The following KSR2 variants were observed in gnomAD, a reference collection of about 807,000 sequenced individuals.
KSR2 encodes the protein kinase suppressor of ras 2.
KSR2 carries 25 observed loss-of-function variants against 107.8 expected under a neutral mutation model. The ratio of observed to expected loss-of-function variants is 0.23; its 90% CI spans 0.17 to 0.32. The LOEUF (loss-of-function observed/expected upper bound fraction) is 0.32, where lower values mean the gene tolerates loss of function less well. Among genes scored for constraint, KSR2 ranks in the 10% least tolerant of loss-of-function variants. The pLI is 1.00. For synonymous variants in KSR2, 480 were observed against 507.0 expected (o/e 0.95, Z 0.71); for missense variants, 887 against 1,268.9 (o/e 0.70, Z 4.57).
intron 5 of KSR2, among the ~76,000 whole-genome samples, chr12:117,663,850 C>T (rs915139090): frequency 2.0e-5 from 3 of 152,176 alleles, no homozygotes; most frequent in Non-Finnish European, 4.4e-5. Flanking sequence ...AGCCCACGAG[C>T]TTGCAGGTTG....
intron 4 of KSR2, among the ~76,000 whole-genome samples, chr12:117,733,047 G>T (rs531064120): frequency 6.6e-6 from 1 of 152,180 alleles, no homozygotes; most frequent in Non-Finnish European, 1.5e-5. Context: ...ATACCTGCAA[G>T]AATTAATTAA....
intron 1 of KSR2, among the ~76,000 whole-genome samples, chr12:117,961,580 T>C (rs1471810549): frequency 6.6e-6 from 1 of 151,724 alleles, no homozygotes; most frequent in Non-Finnish European, 1.5e-5. Flanking sequence ...CTAGGAACAC[T>C]GGAGACCTGT....
chr12:117,537,429 A>C (rs927285917), intron 10 of KSR2, among the ~76,000 whole-genome samples: 4 of 152,232 alleles, frequency 2.6e-5, no homozygotes, highest in African/African-American at 4.8e-5. Flanking sequence ...ATAATAATCC[A>C]AGGAGCCCAG....
chr12:117,659,532 G>T (rs557343532), intron 5 of KSR2, among the ~76,000 whole-genome samples: 4 of 152,280 alleles, frequency 2.6e-5, no homozygotes, highest in Admixed American at 6.5e-5. Context: ...CCACCACCTT[G>T]TTGCTAAGCA....
At chr12:117,528,672 C>G (rs548746524) in intron 12 of KSR2, among the ~76,000 whole-genome samples, 3 of 152,204 alleles carry the variant, frequency 2.0e-5, no homozygotes, top group East Asian at 3.9e-4. Flanking sequence ...TGAACCTGCA[C>G]GATGACAGCT....
chr12:117,807,732 C>T (rs1891059010), intron 3 of KSR2, among the ~76,000 whole-genome samples: 1 of 152,234 alleles, frequency 6.6e-6, no homozygotes, highest in African/African-American at 2.4e-5. Flanking sequence ...GTTTCAAGGA[C>T]TGAGAATGTG....
Position 117,779,989 on chromosome 12 carries a change from GCA to G in KSR2, c.473-18467_473-18466del, listed in dbSNP as rs1192721449. On this transcript the variant is annotated intron_variant, in intron 3 of 19. Coordinates refer to ENST00000339824, the MANE Select transcript of KSR2 (RefSeq NM_173598.6). ...ACACCAGGTACTTTGATCTGAAGAT[GCA>G]CAGTCTCTCCATCCACACAGAATTC... Among the ~76,000 whole-genome samples the G allele has an allele frequency of 3.3e-5, 5 of 152,184 alleles. No individual in the cohort carries two copies. In the East Asian group the frequency reaches 7.7e-4, roughly 24 times the overall value.
chr12:117,777,066 C>G (rs1176370539), intron 3 of KSR2, among the ~76,000 whole-genome samples: 1 of 136,860 alleles, frequency 7.3e-6, no homozygotes, highest in African/African-American at 3.0e-5. Flanking sequence ...TGTTTCAAGA[C>G]ACTGTATTTA....
At chr12:117,571,528 C>T (rs559606238) in intron 7 of KSR2, among the ~76,000 whole-genome samples, 4 of 152,206 alleles carry the variant, frequency 2.6e-5, no homozygotes, top group South Asian at 2.1e-4. Context: ...CTGCAAGGTA[C>T]GAGCCATTTG....
chr12:117,694,407 T>C (rs1016972440), intron 4 of KSR2, among the ~76,000 whole-genome samples: 19 of 152,216 alleles, frequency 1.2e-4, no homozygotes, highest in Non-Finnish European at 2.2e-4. Context: ...TCCTCCTTTG[T>C]CTTCCACCAT....
intron 3 of KSR2, among the ~76,000 whole-genome samples, chr12:117,837,030 G>A (rs1034188020): frequency 9.8e-5 from 15 of 152,304 alleles, no homozygotes; most frequent in African/African-American, 3.4e-4. Flanking sequence ...AATTGGTCTT[G>A]CAGTGTGGCA....
chr12:117,534,538 A>G (rs1187711700), intron 10 of KSR2, among the ~76,000 whole-genome samples: 2 of 152,040 alleles, frequency 1.3e-5, no homozygotes, highest in African/African-American at 2.4e-5. Flanking sequence ...ATTTTCATGC[A>G]TATGTTTATT....
At chr12:117,903,195 T>C (rs964300958) in intron 1 of KSR2, among the ~76,000 whole-genome samples, 4 of 152,224 alleles carry the variant, frequency 2.6e-5, no homozygotes, top group Non-Finnish European at 5.9e-5. Flanking sequence ...AAAACTATAA[T>C]TCATAAACAA....
intron 1 of KSR2, among the ~76,000 whole-genome samples, chr12:117,960,763 G>C (rs1302596880): frequency 6.6e-6 from 1 of 151,850 alleles, no homozygotes; most frequent in Admixed American, 6.6e-5. Context: ...AGCTGTGGCA[G>C]AGACTACTAG....
At chr12:117,523,371 T>C (rs1874891962) in intron 14 of KSR2, among the ~76,000 whole-genome samples, 1 of 152,168 alleles carries the variant, frequency 6.6e-6, no homozygotes, top group Non-Finnish European at 1.5e-5. Context: ...CCCCTTGGCA[T>C]CACAGGTCAT....
intron 5 of KSR2, among the ~76,000 whole-genome samples, chr12:117,588,498 C>T (rs1421966244): frequency 6.6e-6 from 1 of 152,140 alleles, no homozygotes; most frequent in East Asian, 1.9e-4. Flanking sequence ...AGCTCAGGAT[C>T]TGCTCTAAGA....
chr12:117,618,439 T>C (rs1424563614), intron 5 of KSR2, among the ~76,000 whole-genome samples: 13 of 152,118 alleles, frequency 8.5e-5, no homozygotes, highest in Admixed American at 3.9e-4. Context: ...GCAAGTATCT[T>C]GAGAGGAAAT....
intron 3 of KSR2, among the ~76,000 whole-genome samples, chr12:117,826,561 G>C (rs1223513791): frequency 6.6e-6 from 1 of 152,120 alleles, no homozygotes; most frequent in Admixed American, 6.6e-5. Context: ...TAGAGAGAGG[G>C]TCAAGCTTCC....
chr12:117,620,541 G>A (rs141175592), intron 5 of KSR2, among the ~76,000 whole-genome samples: 1 of 152,264 alleles, frequency 6.6e-6, no homozygotes, highest in Non-Finnish European at 1.5e-5. Flanking sequence ...GGAAGTACAT[G>A]CAGCACAAAT....
Sources: gnomAD v4.1 joint callset for allele counts (sites outside exome capture counted in the v4.1 genomes callset) on GRCh38, gnomAD v4.1.1 for gene constraint, MANE v1.5 for transcripts, NCBI Gene and HGNC (gene_info 2026-07-23, HGNC 2026-07-21) for gene names.